Variants in PDE1C observed in about 807,000 individuals in gnomAD.
PDE1C encodes the protein dual specificity calcium/calmodulin-dependent 3',5'-cyclic nucleotide phosphodiesterase 1C.
In PDE1C, 62 loss-of-function variants were observed where a neutral mutation model predicts 93.1. The observed-to-expected ratio is 0.67, with a 90% CI of 0.54 to 0.82. PDE1C has a LOEUF of 0.82. Among genes scored for constraint, PDE1C ranks in the 40% least tolerant of loss-of-function variants. PDE1C has a pLI of 0.00. For missense variants in PDE1C, 742 were observed against 884.6 expected (o/e 0.84, Z 2.04); for synonymous variants, 325 against 310.1 (o/e 1.05, Z -0.50).
intron 1 of PDE1C, among the ~76,000 whole-genome samples, chr7:32,358,651 G>A (rs966583462): frequency 6.6e-6 from 1 of 152,140 alleles, no homozygotes; most frequent in Admixed American, 6.5e-5. Context: ...AACAGTCATT[G>A]AGCACTACTG....
At chr7:32,069,313 C>T (rs1053073025) in intron 1 of PDE1C, among the ~76,000 whole-genome samples, 2 of 152,184 alleles carry the variant, frequency 1.3e-5, no homozygotes, top group African/African-American at 4.8e-5. Context: ...AACAAACAAA[C>T]TGGCAGGAAG....
rs746912389 is a variant in PDE1C, at chr7:32,070,381, T to C, written c.13A>G (p.Thr5Ala). The C allele has an allele frequency of 3.1e-6, 5 of 1,614,090 alleles. No homozygotes were observed. In the Admixed American group the frequency reaches 6.7e-5, roughly 22 times the overall value. The change falls in exon 1 of 18, where the codon ACC (threonine) becomes GCC (alanine). Residue 5 changes from threonine to alanine, a missense_variant. Thr to Ala is a moderately conservative substitution (Grantham distance 58, BLOSUM62 0). This residue lies in a region of PDE1C where 74 missense variants were observed against 88.2 expected (regional missense o/e 0.84). Coordinates refer to ENST00000396191, the MANE Select transcript of PDE1C (RefSeq NM_001191057.4). ...CTCTCAAATTCTTCAATCTCCTTGG[T>C]TGGCGACTCCATAGCTGCAGGTAGG... MESP[T>A]KEIEEFESNS...
At chr7:31,800,952 T>C (rs140023402) in intron 16 of PDE1C, among the ~76,000 whole-genome samples, 249 of 151,138 alleles carry the variant, frequency 1.6e-3, no homozygotes, top group African/African-American at 5.6e-3. Flanking sequence ...TTGAGCTGAA[T>C]GTGAATGAAA....
chr7:32,045,650 C>T (rs1792447716), intron 2 of PDE1C, among the ~76,000 whole-genome samples: 1 of 152,154 alleles, frequency 6.6e-6, no homozygotes, highest in African/African-American at 2.4e-5. Context: ...TACTTAGCTG[C>T]CACTTTTAAT....
chr7:32,348,411 C>CTGG (rs1783895333), intron 1 of PDE1C, among the ~76,000 whole-genome samples: 1 of 118,760 alleles, frequency 8.4e-6, no homozygotes, highest in South Asian at 3.0e-4. Flanking sequence ...GTCACCCAGG[C>CTGG]TGGAGTGCAG....
the PDE1C span, among the ~76,000 whole-genome samples, chr7:31,719,853 T>C: frequency 6.6e-6 from 1 of 152,164 alleles, no homozygotes; most frequent in African/African-American, 2.4e-5. Flanking sequence ...GGAAAGCATC[T>C]TGTTTCTATT....
At chr7:31,697,532 A>G in the PDE1C span, among the ~76,000 whole-genome samples, 1 of 152,224 alleles carries the variant, frequency 6.6e-6, no homozygotes, top group Non-Finnish European at 1.5e-5. Context: ...TGCAGAAATA[A>G]GGATAGCTAT....
downstream of PDE1C, among the ~76,000 whole-genome samples, chr7:31,749,232 G>T (rs1188396641): frequency 1.3e-5 from 2 of 152,010 alleles, no homozygotes; most frequent in Admixed American, 6.6e-5. Flanking sequence ...ACCTTTGTGA[G>T]GTTGATATTA....
At position 31,850,634 on chromosome 7, in the gene PDE1C, C is replaced by A. The variant is rs573986428; in HGVS notation, c.851+7G>T. On this transcript the variant is annotated splice_region_variant and intron_variant, in intron 8 of 17. Transcript: ENST00000396191. ...TGCCTCTCTTCCAAACATTTAAACA[C>A]CCTCACCGAGTCTGAATGTGGAAAT... The A allele has an allele frequency of 1.5e-5, 24 of 1,594,792 alleles. No homozygotes were observed. In the South Asian group the frequency reaches 2.2e-4, roughly 15 times the overall value.
At chr7:32,268,706 GA>G (rs568984260) in intron 1 of PDE1C, among the ~76,000 whole-genome samples, 2 of 152,142 alleles carry the variant, frequency 1.3e-5, no homozygotes, top group South Asian at 4.2e-4. Flanking sequence ...CACTGGAAGG[GA>G]AAAAATGAAT....
chr7:32,074,971 GCACATCTAAACAGTGAGAGGCATGGC>G (rs1478579684), upstream of PDE1C, among the ~76,000 whole-genome samples: 1 of 152,164 alleles, frequency 6.6e-6, no homozygotes. Flanking sequence ...GGAGCCATGG[GCACATCTAAACAGTGAGAGGCATGGC>G]CACATGTGGA....
At chr7:32,240,909 C>T (rs1808500001) in intron 1 of PDE1C, among the ~76,000 whole-genome samples, 1 of 152,102 alleles carries the variant, frequency 6.6e-6, no homozygotes, top group Non-Finnish European at 1.5e-5. Context: ...AGACATGATC[C>T]ACTTCAGGAT....
chr7:32,034,908 T>G (rs1377004873), intron 2 of PDE1C, among the ~76,000 whole-genome samples: 1 of 152,162 alleles, frequency 6.6e-6, no homozygotes, highest in African/African-American at 2.4e-5. Context: ...AAAAATTAAA[T>G]AAGTGTGTAA....
the PDE1C span, among the ~76,000 whole-genome samples, chr7:31,698,801 G>A: frequency 6.6e-6 from 1 of 152,156 alleles, no homozygotes; most frequent in South Asian, 2.1e-4. Context: ...AGATTTCCAA[G>A]GTGCACAGGA....
chr7:32,396,166 T>C lies in PDE1C; in HGVS notation c.310+31656A>G, dbSNP rs183415837. On this transcript the variant is annotated intron_variant, in intron 1 of 1. Coordinates refer to the PDE1C transcript ENST00000672256. Reference sequence around the variant, plus strand: ...AGCCCCAGCAGAGAGTAAAACATACTATTAAGCTTCCATAATTAAAATGGA... The same window carrying C: ...AGCCCCAGCAGAGAGTAAAACATACCATTAAGCTTCCATAATTAAAATGGA... Among the ~76,000 whole-genome samples, 127 of 152,232 alleles carry C rather than the reference T, an allele frequency of 8.3e-4. 1 individual carries two copies. The highest frequency in any genetic ancestry group is 2.9e-3 in the African/African-American group (121 of 41,530).
the PDE1C span, chr7:31,642,813 G>C: frequency 6.2e-7 from 1 of 1,613,838 alleles, no homozygotes; most frequent in Non-Finnish European, 8.5e-7. Context: ...AAAGTAGGGC[G>C]AGCATGTCTT....
chr7:32,235,020 T>A (rs1355722310), intron 1 of PDE1C, among the ~76,000 whole-genome samples: 1 of 152,066 alleles, frequency 6.6e-6, no homozygotes, highest in Non-Finnish European at 1.5e-5. Flanking sequence ...TCATATCAGT[T>A]GATGCAGAAA....
intron 1 of PDE1C, among the ~76,000 whole-genome samples, chr7:32,247,001 AC>A (rs1218183873): frequency 6.6e-6 from 1 of 152,256 alleles, no homozygotes; most frequent in Non-Finnish European, 1.5e-5. Flanking sequence ...AGTCATGCTA[AC>A]AGATCATCAT....
intron 1 of PDE1C, among the ~76,000 whole-genome samples, chr7:32,248,259 T>C (rs1323233188): frequency 1.3e-5 from 2 of 152,130 alleles, no homozygotes; most frequent in African/African-American, 2.4e-5. Flanking sequence ...ACAGAATTCA[T>C]TGCAATGAGA....
Sources: gnomAD v4.1 joint callset for allele counts (sites outside exome capture counted in the v4.1 genomes callset) on GRCh38, gnomAD v4.1.1 for gene constraint, gnomAD v4.1.1 regional missense constraint, MANE v1.5 for transcripts, NCBI Gene and HGNC (gene_info 2026-07-23, HGNC 2026-07-21) for gene names.